TTC6: variants seen among roughly 807,000 people sequenced by gnomAD.
The protein encoded by TTC6 is tetratricopeptide repeat protein 6.
In TTC6, 172 loss-of-function variants were observed where a neutral mutation model predicts 210.4. The observed-to-expected ratio is 0.82, with a 90% confidence interval of 0.72 to 0.93. The LOEUF (loss-of-function observed/expected upper bound fraction) is 0.93. TTC6 is among the 40% of genes least tolerant of loss of function. The pLI is 0.00. For missense variants in TTC6, 2,414 were observed against 2,318.1 expected (o/e 1.04, Z -0.85); for synonymous variants, 804 against 819.6 (o/e 0.98, Z 0.32).
exon 2 of TTC6, chr14:37,680,193 A>G (rs2095780047): frequency 3.3e-6 from 5 of 1,534,246 alleles, no homozygotes; most frequent in Non-Finnish European, 3.5e-6. Flanking sequence ...AACATCACCT[A>G]TGCAAGCAGA....
At chr14:37,600,367 GA>G in intron 1 of TTC6, among the ~76,000 whole-genome samples, 1 of 152,260 alleles carries the variant, frequency 6.6e-6, no homozygotes, top group African/African-American at 2.4e-5. Flanking sequence ...GAGGGGCTTG[GA>G]AAAGTCAACT....
At chr14:37,822,785 C>T (rs904362859) in intron 26 of TTC6, among the ~76,000 whole-genome samples, 1 of 152,140 alleles carries the variant, frequency 6.6e-6, no homozygotes, top group Non-Finnish European at 1.5e-5. Context: ...TTACATGAAT[C>T]TCAGATATTT....
intron 2 of TTC6, among the ~76,000 whole-genome samples, chr14:37,607,617 CTTTT>C (rs71433907): frequency 7.1e-6 from 1 of 140,228 alleles, no homozygotes; most frequent in African/African-American, 2.6e-5. Flanking sequence ...AGTATTTAGT[CTTTT>C]TTTTTTTTTT....
At chr14:37,659,459 C>G (rs1363947166) in intron 1 of TTC6, among the ~76,000 whole-genome samples, 3 of 151,798 alleles carry the variant, frequency 2.0e-5, no homozygotes, top group Non-Finnish European at 4.4e-5. Context: ...ATTTTTTCGA[C>G]TTTTTTAATA....
In TTC6 at chr14:37,841,613, G is replaced by A. The variant is rs1171100312; in HGVS notation, c.5467G>A (p.Ala1823Thr). The change falls in exon 30 of 31, where the codon GCA (alanine) becomes ACA (threonine). Residue 1823 changes from alanine (A) to threonine (T), a missense_variant. Transcript: ENST00000553443. ...TTGGGCTGCAGTATATTTTAATAGAGCACATTTCTACTACTGCTTAAAGCA... is the reference window on the plus strand; with the variant it reads ...TTGGGCTGCAGTATATTTTAATAGAACACATTTCTACTACTGCTTAAAGCA... The A allele has an allele frequency of 3.1e-6, 5 of 1,604,350 alleles. No homozygotes were observed. The South Asian group carries it at 3.4e-5, about 11-fold the overall frequency.
intron 1 of TTC6, among the ~76,000 whole-genome samples, chr14:37,631,282 A>G (rs1337082117): frequency 1.3e-5 from 2 of 152,040 alleles, no homozygotes; most frequent in Non-Finnish European, 2.9e-5. Flanking sequence ...TGCTTCCTTC[A>G]GGAGCTCTAG....
chr14:37,676,464 G>T (rs917134992), intron 1 of TTC6, among the ~76,000 whole-genome samples: 1 of 151,724 alleles, frequency 6.6e-6, no homozygotes, highest in Non-Finnish European at 1.5e-5. Context: ...CCTAATACTA[G>T]ACCCTTGTCA....
rs147986899 is a variant in TTC6 at position 37,744,997 on chromosome 14, TACAC to T, written c.2364-3927_2364-3924del. On this transcript the variant is annotated intron_variant, in intron 10 of 30. Transcript: ENST00000553443. ...ATTTGCTTATGGGTTGGATATGGGA[TACAC>T]ACACACACACACACCCACACACACA... Among the ~76,000 whole-genome samples, 123 of 151,082 alleles carry T rather than the reference TACAC, an allele frequency of 8.1e-4. 1 individual carries two copies. Among genetic ancestry groups the T allele is most frequent in the African/African-American group, 2.7e-3 (110 of 41,146 alleles).
At chr14:37,683,078 G>T in intron 3 of TTC6, 114 bp downstream of exon 5, 1 of 864,834 alleles carries the variant, frequency 1.2e-6, no homozygotes. Context: ...CGGGGGTGAT[G>T]GTGTGTTCAC....
chr14:37,833,997 G>A (rs985096605), intron 29 of TTC6, among the ~76,000 whole-genome samples: 4 of 152,108 alleles, frequency 2.6e-5, no homozygotes, highest in African/African-American at 7.2e-5. Context: ...CAACCCCTCA[G>A]CACTTTGAAT....
chr14:37,599,694 A>C (rs748259242), intron 1 of TTC6, among the ~76,000 whole-genome samples: 1 of 151,920 alleles, frequency 6.6e-6, no homozygotes, highest in Non-Finnish European at 1.5e-5. Context: ...GCCAAAATCA[A>C]CTCGCATTTT....
intron 1 of TTC6, among the ~76,000 whole-genome samples, chr14:37,636,868 A>C (rs2095681816): frequency 6.6e-6 from 1 of 152,226 alleles, no homozygotes; most frequent in African/African-American, 2.4e-5. Flanking sequence ...TTGAAAAAGA[A>C]GAAAAAAGTG....
intron 1 of TTC6, among the ~76,000 whole-genome samples, chr14:37,671,286 G>A (rs1288247603): frequency 2.6e-5 from 4 of 152,046 alleles, no homozygotes; most frequent in Non-Finnish European, 5.9e-5. Context: ...ATCCAGAGAG[G>A]GCAATGCGGA....
chr14:37,832,329 CTTTTTTTTTTTTT>C (rs58133834), intron 29 of TTC6, among the ~76,000 whole-genome samples: 1 of 68,914 alleles, frequency 1.5e-5, no homozygotes, highest in African/African-American at 5.6e-5. Context: ...TTCTTTCTCT[CTTTTTTTTTTTTT>C]TTTTTTTTTT....
intron 4 of TTC6, among the ~76,000 whole-genome samples, chr14:37,700,677 C>T (rs181954278): frequency 5.6e-5 from 7 of 124,230 alleles, no homozygotes; most frequent in Admixed American, 4.2e-4. Flanking sequence ...TGGGAGGCGG[C>T]GGTTGCAGTG....
intron 24 of TTC6, among the ~76,000 whole-genome samples, chr14:37,810,179 G>A (rs12888928): frequency 2.6e-5 from 4 of 152,172 alleles, no homozygotes; most frequent in Non-Finnish European, 5.9e-5. Context: ...TTTTAACAAG[G>A]GGATTGTTAA....
intron 10 of TTC6, 22 bp from the exon 13 acceptor site, chr14:37,748,917 A>C (rs560444116): frequency 3.5e-6 from 5 of 1,425,380 alleles, no homozygotes; most frequent in Non-Finnish European, 3.7e-6. Flanking sequence ...TAATTTAAAA[A>C]AATCACTCTT....
chr14:37,757,003 A>C (rs758323025), intron 14 of TTC6, among the ~76,000 whole-genome samples: 3 of 152,060 alleles, frequency 2.0e-5, no homozygotes, highest in Non-Finnish European at 4.4e-5. Context: ...TTGGCAGGCT[A>C]TTAATTACTG....
At chr14:37,706,189 C>T (rs1474061045) in intron 5 of TTC6, among the ~76,000 whole-genome samples, 1 of 152,116 alleles carries the variant, frequency 6.6e-6, no homozygotes, top group African/African-American at 2.4e-5. Flanking sequence ...GATAGGTTTT[C>T]TGAGGAAGAA....
Sources: gnomAD v4.1 joint callset for allele counts (sites outside exome capture counted in the v4.1 genomes callset) on GRCh38, gnomAD v4.1.1 for gene constraint, MANE v1.5 for transcripts, NCBI Gene and HGNC (gene_info 2026-07-23, HGNC 2026-07-21) for gene names.